The following TAC4 variants were observed in gnomAD, a reference collection of about 807,000 sequenced individuals.
TAC4 encodes the protein tachykinin-4.
In TAC4, 17 loss-of-function variants were observed where a neutral mutation model predicts 17.7. That is an observed-to-expected ratio of 0.96 (90% confidence interval 0.66 to 1.44). The LOEUF (loss-of-function observed/expected upper bound fraction) is 1.44. TAC4 is among the 40% of genes most tolerant of loss of function. TAC4 has a pLI of 0.00. For synonymous variants in TAC4, 62 were observed against 52.4 expected (o/e 1.18, Z -0.79); for missense variants, 118 against 125.6 (o/e 0.94, Z 0.29).
At position 49,841,594 on chromosome 17, in the gene TAC4, G is replaced by A. The variant is rs1225147651; in HGVS notation, c.200-10C>T. On this transcript the variant is annotated splice_polypyrimidine_tract_variant and intron_variant, in intron 2 of 4. Transcript: ENST00000436235. ...TGGATCAGAGGTCTTCCTGGGGGAAGGAGAAGGAATGAGGACTACGGACTG... is the reference window on the plus strand; with the variant it reads ...TGGATCAGAGGTCTTCCTGGGGGAAAGAGAAGGAATGAGGACTACGGACTG... 6.4e-7 allele frequency: 1 copy of A among 1,557,808 alleles called. No homozygotes were observed. Among genetic ancestry groups the A allele is most frequent in the South Asian group, 1.2e-5 (1 of 85,602 alleles).
At chr17:49,840,666 C>G (rs1266148650) in intron 3 of TAC4, among the ~76,000 whole-genome samples, 1 of 151,896 alleles carries the variant, frequency 6.6e-6, no homozygotes, top group African/African-American at 2.4e-5. Flanking sequence ...CCACACCGGA[C>G]TAATTTTTAT....
At chr17:49,843,190 C>T (rs2074511605) in intron 2 of TAC4, among the ~76,000 whole-genome samples, 1 of 152,138 alleles carries the variant, frequency 6.6e-6, no homozygotes. Flanking sequence ...TGTAAAAGTG[C>T]CAGTTTTTTC....
At chr17:49,839,987 G>A in intron 3 of TAC4, 78 bp from the exon 4 acceptor site, 1 of 1,453,262 alleles carries the variant, frequency 6.9e-7, no homozygotes, top group Non-Finnish European at 9.6e-7. Flanking sequence ...AAGGACAAAG[G>A]ACAGGGCCAG....
intron 1 of TAC4, chr17:49,846,284 T>G: frequency 7.9e-7 from 1 of 1,271,978 alleles, no homozygotes; most frequent in Non-Finnish European, 1.0e-6. Context: ...CCTCATTTTT[T>G]TTTTTTTTTT....
At chr17:49,842,018 C>T (rs2074502222) in intron 2 of TAC4, among the ~76,000 whole-genome samples, 1 of 150,468 alleles carries the variant, frequency 6.6e-6, no homozygotes, top group African/African-American at 2.4e-5. Flanking sequence ...ATTCTCCTGC[C>T]TCAGCCTCCC....
chr17:49,846,915 C>G (rs1226550835), intron 1 of TAC4: 15 of 1,262,506 alleles, frequency 1.2e-5, no homozygotes, highest in Non-Finnish European at 1.0e-5. Flanking sequence ...GGGTCACTTC[C>G]CTCCTCCGTT....
chr17:49,841,935 ACT>A (rs2074501421), intron 2 of TAC4, among the ~76,000 whole-genome samples: 2 of 112,348 alleles, frequency 1.8e-5, no homozygotes, highest in Non-Finnish European at 3.4e-5. Flanking sequence ...TGAGAGTCTC[ACT>A]CTGTCGCCCA....
chr17:49,845,160 C>A (rs985096401), intron 1 of TAC4, among the ~76,000 whole-genome samples: 4 of 152,224 alleles, frequency 2.6e-5, no homozygotes, highest in African/African-American at 9.6e-5. Context: ...CCAGGCACTT[C>A]CCCCATTGTC....
intron 1 of TAC4, chr17:49,847,606 G>A: frequency 2.7e-6 from 1 of 376,812 alleles, no homozygotes. Context: ...GGAGGATTGA[G>A]TTAATATTTA....
At chr17:49,845,357 TCTCTGAC>T (rs2074530148) in intron 1 of TAC4, among the ~76,000 whole-genome samples, 1 of 152,248 alleles carries the variant, frequency 6.6e-6, no homozygotes, top group Non-Finnish European at 1.5e-5. Flanking sequence ...GCCTTCTCCC[TCTCTGAC>T]CTTAACCTGA....
chr17:49,840,213 G>A (rs897312611), intron 3 of TAC4, among the ~76,000 whole-genome samples: 2 of 152,222 alleles, frequency 1.3e-5, no homozygotes, highest in African/African-American at 4.8e-5. Flanking sequence ...ATACAGAGGC[G>A]ACAGCAGACC....
chr17:49,839,964 T>G, intron 3 of TAC4, 55 bp from the exon 4 acceptor site: 1 of 1,581,972 alleles, frequency 6.3e-7, no homozygotes, highest in Non-Finnish European at 8.7e-7. Flanking sequence ...GTAGGCTGTT[T>G]TGGGAACCAG....
At chr17:49,846,276 TC>T in intron 1 of TAC4, 1 of 1,135,870 alleles carries the variant, frequency 8.8e-7, no homozygotes, top group Non-Finnish European at 1.1e-6. Context: ...TCCTGTTACC[TC>T]ATTTTTTTTT....
intron 4 of TAC4, 148 bp from the exon 5 acceptor site, chr17:49,838,821 AG>A: frequency 1.3e-6 from 1 of 743,930 alleles, no homozygotes; most frequent in Non-Finnish European, 2.2e-6. Context: ...ATGGGATTAC[AG>A]GCTCATCTGT....
At position 49,838,329 on chromosome 17, in the gene TAC4, A is replaced by ACTGTGTGCTAGGCACTCAATATC. The variant is rs2074471516; in HGVS notation, c.*312_*313insGATATTGAGTGCCTAGCACACAG. Reference sequence around the variant, plus strand: ...CTGGTCACTCATTTATTGAGTGCCTACTGTGTGCTAGGCACAGGATACAGA... The same window carrying ACTGTGTGCTAGGCACTCAATATC: ...CTGGTCACTCATTTATTGAGTGCCTACTGTGTGCTAGGCACTCAATATCCTGTGTGCTAGGCACAGGATACAGA... On this transcript the variant is annotated 3_prime_UTR_variant, in exon 5 of 5. Transcript: ENST00000436235. 2.2e-6 allele frequency: 1 copy of ACTGTGTGCTAGGCACTCAATATC among 445,798 alleles called. No homozygotes were observed. The highest frequency in any genetic ancestry group is 2.1e-5 in the African/African-American group (1 of 48,052). The allele number at this position is 445,798 out of a possible 1,614,324, so 27.6% of individuals were successfully genotyped here. A position where few individuals can be genotyped will look rare whatever the true frequency, so the allele number is the denominator to read the frequency against.
chr17:49,847,768 C>G, intron 1 of TAC4, 145 bp downstream of exon 1: 6 of 1,403,182 alleles, frequency 4.3e-6, no homozygotes, highest in Non-Finnish European at 5.9e-6. Flanking sequence ...CTTGAATCTA[C>G]CCATGGTAGA....
chr17:49,845,656 G>A (rs1304472497), intron 1 of TAC4, among the ~76,000 whole-genome samples: 1 of 152,186 alleles, frequency 6.6e-6, no homozygotes, highest in Non-Finnish European at 1.5e-5. Context: ...CGAGCCGCCT[G>A]CCAGGAGCTG....
intron 4 of TAC4, among the ~76,000 whole-genome samples, chr17:49,838,910 G>A (rs547453613): frequency 6.6e-6 from 1 of 152,204 alleles, no homozygotes; most frequent in African/African-American, 2.4e-5. Flanking sequence ...TTTAAAGGTG[G>A]GGAAGGCTAT....
At chr17:49,842,613 A>C (rs1250540992) in intron 2 of TAC4, among the ~76,000 whole-genome samples, 1 of 151,996 alleles carries the variant, frequency 6.6e-6, no homozygotes, top group Non-Finnish European at 1.5e-5. Flanking sequence ...CTTGGTCACA[A>C]GTTGGTTTTC....
Sources: gnomAD v4.1 joint callset for allele counts (sites outside exome capture counted in the v4.1 genomes callset) on GRCh38, gnomAD v4.1.1 for gene constraint, MANE v1.5 for transcripts, NCBI Gene and HGNC (gene_info 2026-07-23, HGNC 2026-07-21) for gene names.